The following AGBL1 variants were observed in gnomAD, a reference collection of about 807,000 sequenced individuals.
The protein encoded by AGBL1 is AGBL carboxypeptidase 1.
A neutral mutation model predicts 118.9 loss-of-function variants in AGBL1; 130 were observed. That is an observed-to-expected ratio of 1.09 (90% CI 0.95 to 1.26). AGBL1 has a LOEUF of 1.26. AGBL1 is among the 50% of genes most tolerant of loss of function. The pLI, the probability that AGBL1 is intolerant of heterozygous loss-of-function variation, is 0.00. For missense variants in AGBL1, 1,584 were observed against 1,298.1 expected, an observed-to-expected ratio of 1.22 and a Z score of -3.38; for synonymous variants, 555 against 478.9, an observed-to-expected ratio of 1.16 and a Z score of -2.08.
chr15:86,954,646 T>C (rs999262044), intron 23 of AGBL1, among the ~76,000 whole-genome samples: 1 of 152,034 alleles, frequency 6.6e-6, no homozygotes, highest in African/African-American at 2.4e-5. Flanking sequence ...TGTGGACTAC[T>C]AGAAGGGGGG....
chr15:86,210,444 A>C (rs2078072664), intron 5 of AGBL1, among the ~76,000 whole-genome samples: 1 of 152,192 alleles, frequency 6.6e-6, no homozygotes, highest in East Asian at 1.9e-4. Flanking sequence ...TGTCACTTTC[A>C]GGTACACCAA....
intron 22 of AGBL1, among the ~76,000 whole-genome samples, chr15:86,685,425 G>T (rs1176314470): frequency 6.6e-6 from 1 of 152,048 alleles, no homozygotes; most frequent in Non-Finnish European, 1.5e-5. Flanking sequence ...CAGTACAATA[G>T]GAATGGAAAC....
chr15:86,835,525 A>G (rs1444032416), intron 22 of AGBL1, among the ~76,000 whole-genome samples: 1 of 152,098 alleles, frequency 6.6e-6, no homozygotes, highest in Non-Finnish European at 1.5e-5. Context: ...AATACCGTAG[A>G]AAAAGCATTC....
At chr15:86,541,616 A>AGAG (rs1306866532) in intron 19 of AGBL1, among the ~76,000 whole-genome samples, 2 of 97,080 alleles carry the variant, frequency 2.1e-5, no homozygotes, top group African/African-American at 8.4e-5. Flanking sequence ...AAAAAAAAAA[A>AGAG]AGAGAGAGAG....
chr15:86,156,190 G>T (rs2077187533), intron 4 of AGBL1, among the ~76,000 whole-genome samples: 1 of 152,178 alleles, frequency 6.6e-6, no homozygotes, highest in Non-Finnish European at 1.5e-5. Context: ...CAAATTACTG[G>T]AATTACAGGC....
At chr15:86,623,279 G>C (rs532486221) in intron 21 of AGBL1, among the ~76,000 whole-genome samples, 1 of 152,166 alleles carries the variant, frequency 6.6e-6, no homozygotes, top group African/African-American at 2.4e-5. Flanking sequence ...CAATCATGTA[G>C]AGCCTGGTTG....
At chr15:86,586,416 T>C (rs1188823640) in intron 21 of AGBL1, among the ~76,000 whole-genome samples, 1 of 152,200 alleles carries the variant, frequency 6.6e-6, no homozygotes, top group African/African-American at 2.4e-5. Flanking sequence ...TGTAAACCTA[T>C]GAGGTAGTTG....
chr15:86,381,736 G>C (rs191744462), intron 17 of AGBL1, among the ~76,000 whole-genome samples: 1 of 152,132 alleles, frequency 6.6e-6, no homozygotes, highest in Non-Finnish European at 1.5e-5. Flanking sequence ...AAGAGAGGGC[G>C]TGAGAGGGCT....
At chr15:86,265,495 GA>G (rs1469103653) in intron 11 of AGBL1, among the ~76,000 whole-genome samples, 1 of 152,068 alleles carries the variant, frequency 6.6e-6, no homozygotes, top group East Asian at 1.9e-4. Context: ...TATTCTCCTT[GA>G]AAAAAAACTG....
intron 21 of AGBL1, among the ~76,000 whole-genome samples, chr15:86,617,714 T>C (rs2084749537): frequency 6.6e-6 from 1 of 151,742 alleles, no homozygotes; most frequent in East Asian, 1.9e-4. Context: ...GTTTCATAGA[T>C]CAGAAATGGT....
intron 22 of AGBL1, among the ~76,000 whole-genome samples, chr15:86,715,782 G>A (rs568695927): frequency 1.3e-5 from 2 of 152,216 alleles, no homozygotes; most frequent in South Asian, 4.2e-4. Context: ...AATCAGGCCG[G>A]GTGCGGTGGC....
At chr15:86,688,204 T>C (rs1304109139) in intron 22 of AGBL1, among the ~76,000 whole-genome samples, 1 of 152,010 alleles carries the variant, frequency 6.6e-6, no homozygotes, top group Non-Finnish European at 1.5e-5. Context: ...GGAGGTCCTC[T>C]CTGACCCTTG....
intron 5 of AGBL1, among the ~76,000 whole-genome samples, chr15:86,202,995 G>A (rs189550465): frequency 9.2e-5 from 14 of 152,106 alleles, no homozygotes; most frequent in African/African-American, 3.4e-4. Flanking sequence ...GAGGCTGGAG[G>A]ATTGCATGAG....
chr15:86,287,045 C>G (rs765863870), intron 16 of AGBL1, among the ~76,000 whole-genome samples: 3 of 152,100 alleles, frequency 2.0e-5, no homozygotes, highest in Non-Finnish European at 4.4e-5. Context: ...AATAACCAAT[C>G]TAACAAGTGT....
chr15:86,351,664 G>A (rs967422128), intron 17 of AGBL1, among the ~76,000 whole-genome samples: 1 of 152,042 alleles, frequency 6.6e-6, no homozygotes, highest in African/African-American at 2.4e-5. Flanking sequence ...GATATTCAGG[G>A]TAATACTTGT....
intron 22 of AGBL1, among the ~76,000 whole-genome samples, chr15:86,769,096 G>T (rs372346163): frequency 6.6e-6 from 1 of 151,738 alleles, no homozygotes; most frequent in South Asian, 2.1e-4. Flanking sequence ...AGGGCTTGAT[G>T]GGACCTGTAC....
intron 18 of AGBL1, among the ~76,000 whole-genome samples, chr15:86,517,150 C>T: frequency 6.6e-6 from 1 of 152,172 alleles, no homozygotes; most frequent in East Asian, 1.9e-4. Flanking sequence ...TGGCTCTGCT[C>T]CAGATGAGAT....
chr15:86,465,700 T>C (rs1169183849), intron 18 of AGBL1, among the ~76,000 whole-genome samples: 2 of 152,156 alleles, frequency 1.3e-5, no homozygotes, highest in Non-Finnish European at 2.9e-5. Flanking sequence ...CTTGTTAGGA[T>C]TGGGAAATTC....
At chr15:86,799,607 T>C (rs1196332808) in intron 22 of AGBL1, among the ~76,000 whole-genome samples, 2 of 152,124 alleles carry the variant, frequency 1.3e-5, no homozygotes, top group African/African-American at 2.4e-5. Context: ...AATCTAGAAT[T>C]CTTGCTCTAA....
Sources: allele counts gnomAD v4.1 joint callset (sites outside exome capture counted in the v4.1 genomes callset), GRCh38; gene constraint gnomAD v4.1.1; transcripts MANE v1.5; gene names NCBI Gene and HGNC (gene_info 2026-07-23, HGNC 2026-07-21).